Variants in CSNK1D observed in about 807,000 individuals in gnomAD.
CSNK1D encodes casein kinase I isoform delta.
In CSNK1D, 16 loss-of-function variants were observed where a neutral mutation model predicts 46.6. The ratio of observed to expected loss-of-function variants is 0.34; its 90% CI spans 0.23 to 0.52. The LOEUF is 0.52. Ranked by LOEUF, CSNK1D falls within the 20% of genes least tolerant of loss-of-function variation. The probability of loss-of-function intolerance (pLI) is 0.95; values close to 1 mark genes in which losing one functional copy is unlikely to be tolerated. For missense variants in CSNK1D, 398 were observed against 578.4 expected, an observed-to-expected ratio of 0.69 and a Z score of 3.20; for synonymous variants, 276 against 228.2, an observed-to-expected ratio of 1.21 and a Z score of -1.89.
At position 82,255,617 on chromosome 17, in the gene CSNK1D, C is replaced by G; in HGVS notation, c.188-40G>C. ...CAGACACAGTGTTTCAGTCCAGGCC[C>G]TGCCTCAGCTCCACACTAAGTCTGC... On this transcript the variant is annotated intron_variant, in intron 2 of 8. Coordinates refer to ENST00000314028, the MANE Select transcript of CSNK1D (RefSeq NM_001893.6). The surrounding 1 kb of genome is among the most constrained non-coding windows in gnomAD (Gnocchi z 5.9). 6.2e-7 allele frequency: 1 copy of G among 1,613,044 alleles called. No individual in the cohort carries two copies. The highest frequency in any genetic ancestry group is 8.5e-7 in the Non-Finnish European group (1 of 1,179,182).
At chr17:82,254,209 TGAGCTGAGCCGCCGGAGCCTCGAGAAGC>T (rs1396636262) in intron 3 of CSNK1D, 4 of 276,294 alleles carry the variant, frequency 1.4e-5, no homozygotes, top group African/African-American at 1.2e-4. Context: ...GTGAAGCCAG[TGAGCTGAGCCGCCGGAGCCTCGAGAAGC>T]CAGTGCAGTG....
In CSNK1D at chr17:82,252,695, C is replaced by T. The variant is rs559180725; in HGVS notation, c.566-91G>A. ...GCTGGCCGTTCCAGTGGAGACTAGC[C>T]TCAGACACACATGCCCAGATCACTC... On this transcript the variant is annotated intron_variant, in intron 4 of 8. Coordinates refer to ENST00000314028, the MANE Select transcript of CSNK1D (RefSeq NM_001893.6). This position sits in a 1 kb window ranked among gnomAD's most constrained non-coding sequence, Gnocchi z 4.6. 200 of 1,302,428 alleles carry T rather than the reference C, an allele frequency of 1.5e-4. No individual in the cohort carries two copies. The highest frequency in any genetic ancestry group is 2.0e-4 in the Non-Finnish European group (189 of 929,442). 80.7% of individuals were successfully genotyped at this position (1,302,428 alleles called of 1,614,324 possible). A position where few individuals can be genotyped will look rare whatever the true frequency, so the allele number is the denominator to read the frequency against.
Position 82,250,365 on chromosome 17 carries a change from A to T in CSNK1D, c.886-763T>A. 2.4e-6 allele frequency: 1 copy of T among 424,406 alleles called. No homozygotes were observed. 26.3% of individuals were successfully genotyped at this position (424,406 alleles called of 1,614,324 possible). ...GCACCGTGCGGCCAGCACCGCCCAG[A>T]CTCCTCATGCTGCCATTTACGGAAA... On this transcript the variant is annotated intron_variant, in intron 6 of 8. Coordinates refer to ENST00000314028, the MANE Select transcript of CSNK1D (RefSeq NM_001893.6). This position sits in a 1 kb window ranked among gnomAD's most constrained non-coding sequence, Gnocchi z 4.6.
Position 82,255,574 on chromosome 17 carries a change from C to A in CSNK1D, c.191G>T (p.Gly64Val). The change falls in exon 3 of 9, where the codon GGC (glycine) becomes GTC (valine). Residue 64 changes from glycine (G) to valine (V), a missense_variant. Physicochemically the swap from Gly to Val is moderately radical, Grantham distance 109. This residue lies in a region of CSNK1D where 217 missense variants were observed against 370.3 expected (regional missense o/e 0.59). Transcript: ENST00000314028. The surrounding 1 kb of genome is among the most constrained non-coding windows in gnomAD (Gnocchi z 5.9). Reference sequence around the variant, plus strand: ...CCCGCACCATCTGATGGTGGGGATGCCCACTAGGCAAGGAAATCAGACACA... The same window carrying A: ...CCCGCACCATCTGATGGTGGGGATGACCACTAGGCAAGGAAATCAGACACA... ...KIYKMMQGGV[G>V]IPTIRWCGAE... is the part of the protein sequence containing the mutation. The A allele has an allele frequency of 6.2e-7, 1 of 1,614,134 alleles. No individual in the cohort carries two copies. The highest frequency in any genetic ancestry group is 8.5e-7 in the Non-Finnish European group (1 of 1,180,022).
In CSNK1D at chr17:82,242,844, C is replaced by T. The variant is rs2050762009; in HGVS notation, c.*1937G>A. The T allele has an allele frequency of 9.1e-6, 9 of 985,470 alleles. No individual in the cohort carries two copies. Among genetic ancestry groups the T allele is most frequent in the Non-Finnish European group, 1.1e-5 (9 of 829,946 alleles). 61.0% of individuals were successfully genotyped at this position (985,470 alleles called of 1,614,324 possible). On this transcript the variant is annotated 3_prime_UTR_variant, in exon 9 of 9. Transcript: ENST00000314028. ...GATACTGGGCAAGGACTGTCACAAG[C>T]ACTCCGAAGACGCGACCCGGCGAGG... is the stretch of plus-strand genomic sequence containing the variant.
intron 2 of CSNK1D, among the ~76,000 whole-genome samples, chr17:82,262,510 C>T (rs532228834): frequency 5.3e-5 from 8 of 152,312 alleles, no homozygotes; most frequent in African/African-American, 1.9e-4. Flanking sequence ...ATCAAGCAAA[C>T]GTAAAGATCA....
At chr17:82,261,852 A>C (rs1228775320) in intron 2 of CSNK1D, among the ~76,000 whole-genome samples, 1 of 152,006 alleles carries the variant, frequency 6.6e-6, no homozygotes, top group East Asian at 1.9e-4. Flanking sequence ...TCAGCCACAG[A>C]ACCGTCACCC....
At chr17:82,256,950 T>C (rs911600398) in intron 2 of CSNK1D, among the ~76,000 whole-genome samples, 2 of 152,188 alleles carry the variant, frequency 1.3e-5, no homozygotes, top group Non-Finnish European at 2.9e-5. Flanking sequence ...TCAATTCATT[T>C]AAAAAATTGT....
intron 2 of CSNK1D, among the ~76,000 whole-genome samples, chr17:82,259,220 G>C (rs960965738): frequency 1.3e-5 from 2 of 152,164 alleles, no homozygotes; most frequent in African/African-American, 4.8e-5. Flanking sequence ...GCTACTGTAA[G>C]CATTATGTTT....
intron 2 of CSNK1D, among the ~76,000 whole-genome samples, chr17:82,257,812 T>A (rs2051213335): frequency 6.6e-6 from 1 of 152,046 alleles, no homozygotes; most frequent in African/African-American, 2.4e-5. Flanking sequence ...GCATCCAAAG[T>A]GGAAAACAAA....
Position 82,249,585 on chromosome 17 carries a change from G to A in CSNK1D, c.903C>T (p.Ala301=), listed in dbSNP as rs772685170. Residue 301 remains alanine, a synonymous_variant, in exon 7 of 9, where the codon GCC becomes GCT. Transcript: ENST00000314028. This position sits in a 1 kb window ranked among gnomAD's most constrained non-coding sequence, Gnocchi z 6.7. ...NMLKFGASRA[A]DDAERERRDR... ...CCCTGCGCTCCCGCTCGGCGTCATC[G>A]GCGGCCCGGCTGGCACCCTGAGGAG... The A allele has an allele frequency of 3.6e-5, 56 of 1,559,062 alleles. No individual in the cohort carries two copies. Among genetic ancestry groups the A allele is most frequent in the African/African-American group, 6.7e-5 (5 of 74,252 alleles).
At position 82,249,599 on chromosome 17, in the gene CSNK1D, C is replaced by T. The variant is rs776609527; in HGVS notation, c.889G>A (p.Ala297Thr). 2.6e-6 allele frequency: 4 copies of T among 1,559,794 alleles called. No homozygotes were observed. The highest frequency in any genetic ancestry group is 2.3e-5 in the South Asian group (2 of 85,288). ...TCGGCGTCATCGGCGGCCCGGCTGG[C>T]ACCCTGAGGAGGCAGGAGGTGAGGC... ...VFDWNMLKFGASRAADDAERE... is the reference protein window; with the variant it reads ...VFDWNMLKFGTSRAADDAERE... The change falls in exon 7 of 9, where the codon GCC becomes ACC. Residue 297 changes from alanine (A) to threonine (T), a missense_variant. By Grantham distance (58) the Ala-to-Thr change is moderately conservative. Coordinates refer to ENST00000314028, the MANE Select transcript of CSNK1D (RefSeq NM_001893.6). This position sits in a 1 kb window ranked among gnomAD's most constrained non-coding sequence, Gnocchi z 6.7.
intron 2 of CSNK1D, among the ~76,000 whole-genome samples, chr17:82,264,917 C>G (rs2051429734): frequency 6.6e-6 from 1 of 151,852 alleles, no homozygotes; most frequent in East Asian, 1.9e-4. Context: ...CCTGCCTCAG[C>G]CTCCCAAGTA....
In CSNK1D at chr17:82,273,418, C is replaced by G; in HGVS notation, c.-37G>C. The G allele has an allele frequency of 6.2e-7, 1 of 1,608,678 alleles. No homozygotes were observed. Among genetic ancestry groups the G allele is most frequent in the South Asian group, 1.1e-5 (1 of 90,682 alleles). On this transcript the variant is annotated 5_prime_UTR_variant, in exon 1 of 9. Transcript: ENST00000314028. The surrounding 1 kb of genome is among the most constrained non-coding windows in gnomAD (Gnocchi z 5.1). ...CCCGATTCGCTCCTGCCCTCCCGGC[C>G]GCTTCCTGGGTCTGAACTCTGGGAG... is the stretch of plus-strand genomic sequence containing the variant.
At chr17:82,239,977 C>T, downstream of CSNK1D, 1 of 1,233,552 alleles carries the variant, frequency 8.1e-7, no homozygotes, top group Non-Finnish European at 1.0e-6. Flanking sequence ...CCGGGGCCCT[C>T]AGTAGGTGCG....
chr17:82,240,920 C>A (rs1046485861), downstream of CSNK1D, among the ~76,000 whole-genome samples: 1 of 152,122 alleles, frequency 6.6e-6, no homozygotes, highest in Admixed American at 6.5e-5. Flanking sequence ...TGCTCTGACC[C>A]GACAGGCAGG....
At chr17:82,253,312 G>C in intron 3 of CSNK1D, 68 bp from the exon 4 acceptor site, 4 of 1,178,608 alleles carry the variant, frequency 3.4e-6, no homozygotes, top group Non-Finnish European at 5.1e-6. Flanking sequence ...CTCAACTGTG[G>C]GACACTACAT....
Position 82,273,543 on chromosome 17 carries a change from G to T in CSNK1D, c.-162C>A. The T allele has an allele frequency of 1.1e-6, 1 of 874,976 alleles. No homozygotes were observed. Among genetic ancestry groups the T allele is most frequent in the Non-Finnish European group, 1.8e-6 (1 of 568,760 alleles). 54.2% of individuals were successfully genotyped at this position (874,976 alleles called of 1,614,324 possible). A position where few individuals can be genotyped will look rare whatever the true frequency, so the allele number is the denominator to read the frequency against. ...CTTTCCTGTCGCCCCGCCGCTCCCA[G>T]CGCCTCAATACGGGGCGGATGGGAC... is the stretch of plus-strand genomic sequence containing the variant. On this transcript the variant is annotated 5_prime_UTR_variant, in exon 1 of 9. In the 5' UTR this introduces an upstream ATG that the reference lacks. Coordinates refer to ENST00000314028, the MANE Select transcript of CSNK1D (RefSeq NM_001893.6). The surrounding 1 kb of genome is among the most constrained non-coding windows in gnomAD (Gnocchi z 5.1).
chr17:82,243,064 A>G lies in CSNK1D; in HGVS notation c.*1717T>C. ...CTTAACTCGGCTCTGACCCACCCCA[A>G]CCTCCCTCTGTACTTCAACACACAG... On this transcript the variant is annotated 3_prime_UTR_variant, in exon 9 of 9. Transcript: ENST00000314028. 1 of 985,054 alleles carries G rather than the reference A, an allele frequency of 1.0e-6. No homozygotes were observed. Among genetic ancestry groups the G allele is most frequent in the Non-Finnish European group, 1.2e-6 (1 of 829,864 alleles). The allele number at this position is 985,054 out of a possible 1,614,324, so 61.0% of individuals were successfully genotyped here. A position where few individuals can be genotyped will look rare whatever the true frequency, so the allele number is the denominator to read the frequency against.
Sources: allele counts gnomAD v4.1 joint callset (sites outside exome capture counted in the v4.1 genomes callset), GRCh38; gene constraint gnomAD v4.1.1; regional missense constraint gnomAD v4.1.1; non-coding constraint Gnocchi (gnomAD v3.1); transcripts MANE v1.5; gene names NCBI Gene and HGNC (gene_info 2026-07-23, HGNC 2026-07-21).